NBEAL1: variants seen among roughly 807,000 people sequenced by gnomAD.
The protein encoded by NBEAL1 is neurobeachin-like protein 1.
NBEAL1 carries 273 observed loss-of-function variants against 351.3 expected under a neutral mutation model. That is an observed-to-expected ratio of 0.78 (90% CI 0.70 to 0.86). The LOEUF (loss-of-function observed/expected upper bound fraction) is 0.86, where lower values mean the gene tolerates loss of function less well. Ranked by LOEUF, NBEAL1 falls within the 40% of genes least tolerant of loss-of-function variation. The pLI is 0.00. For synonymous variants in NBEAL1, 1,050 were observed against 1,086.4 expected (o/e 0.97, Z 0.66); for missense variants, 2,961 against 3,201.3 (o/e 0.92, Z 1.81).
intron 6 of NBEAL1, among the ~76,000 whole-genome samples, chr2:203,064,632 A>T (rs1019828895): frequency 6.6e-5 from 10 of 150,766 alleles, no homozygotes; most frequent in South Asian, 4.1e-4. Context: ...TAATTTTTTT[A>T]AAAAAAGGAG....
intron 44 of NBEAL1, among the ~76,000 whole-genome samples, chr2:203,186,113 T>C (rs1050785813): frequency 6.6e-6 from 1 of 152,264 alleles, no homozygotes; most frequent in African/African-American, 2.4e-5. Flanking sequence ...AAGATCTATG[T>C]CACAGGTACT....
At chr2:203,150,219 CTTG>C (rs1010939185) in intron 34 of NBEAL1, among the ~76,000 whole-genome samples, 2 of 152,068 alleles carry the variant, frequency 1.3e-5, no homozygotes, top group Non-Finnish European at 2.9e-5. Flanking sequence ...CTTACTAACA[CTTG>C]TTATTTCCTG....
At chr2:203,204,256 AC>A (rs958677427) in intron 51 of NBEAL1, among the ~76,000 whole-genome samples, 45 of 149,542 alleles carry the variant, frequency 3.0e-4, no homozygotes, top group African/African-American at 2.7e-4. Context: ...AAAAAAAAAA[AC>A]AACTCCATTT....
At position 203,033,031 on chromosome 2, in the gene NBEAL1, C is replaced by T. The variant is rs531808280; in HGVS notation, c.52-8734C>T. On this transcript the variant is annotated intron_variant, in intron 2 of 55. Transcript: ENST00000683969. ...AATTTTATTTTTTGAGACGGAGTCT[C>T]GCTCTGTCGCCCAGGCTGGAGTGCA... is the stretch of plus-strand genomic sequence containing the variant. 7.9e-5 allele frequency among the ~76,000 whole-genome samples: 12 copies of T among 151,756 alleles called. No homozygotes were observed. The East Asian group carries it at 2.0e-3, about 25-fold the overall frequency.
At chr2:203,183,598 A>G (rs563626328) in intron 44 of NBEAL1, among the ~76,000 whole-genome samples, 41 of 152,262 alleles carry the variant, frequency 2.7e-4, no homozygotes, top group African/African-American at 9.4e-4. Context: ...GAATAAATAT[A>G]TATATATATA....
At chr2:203,140,284 C>T (rs1044704144) in intron 31 of NBEAL1, among the ~76,000 whole-genome samples, 1 of 129,382 alleles carries the variant, frequency 7.7e-6, no homozygotes, top group Non-Finnish European at 1.6e-5. Flanking sequence ...GCCTGGGCAA[C>T]AAGAGCAAAA....
intron 46 of NBEAL1, among the ~76,000 whole-genome samples, chr2:203,192,480 G>A (rs1022522872): frequency 6.6e-6 from 1 of 151,718 alleles, no homozygotes; most frequent in Non-Finnish European, 1.5e-5. Context: ...TGCCTCCTGG[G>A]TTCAAGCGAT....
rs183293840 is a variant in NBEAL1, at chr2:203,215,877, G to T, written c.8071-1376G>T. On this transcript the variant is annotated intron_variant, in intron 55 of 55. Transcript: ENST00000683969. Reference sequence around the variant, plus strand: ...AATACAAAAATTAGCTAAGCATGATGGTATGTTCCTGTAGTCTCAGCTACT... The same window carrying T: ...AATACAAAAATTAGCTAAGCATGATTGTATGTTCCTGTAGTCTCAGCTACT... Among the ~76,000 whole-genome samples the T allele has an allele frequency of 2.0e-4, 30 of 151,878 alleles. No homozygotes were observed. The East Asian group carries it at 5.6e-3, about 28-fold the overall frequency.
chr2:203,167,396 A>C (rs769038809), intron 38 of NBEAL1, 36 bp downstream of exon 38: 2 of 1,555,370 alleles, frequency 1.3e-6, no homozygotes, highest in Admixed American at 3.9e-5. Flanking sequence ...CCAAAATGCT[A>C]GCTTTAAATA....
chr2:203,047,374 G>A (rs1316200661), intron 3 of NBEAL1, among the ~76,000 whole-genome samples: 2 of 152,040 alleles, frequency 1.3e-5, no homozygotes, highest in Non-Finnish European at 2.9e-5. Flanking sequence ...TTTTGTATCT[G>A]TTTTATTAAA....
At chr2:203,211,146 G>A in intron 54 of NBEAL1, 40 bp downstream of exon 54, 1 of 1,380,834 alleles carries the variant, frequency 7.2e-7, no homozygotes, top group East Asian at 2.5e-5. Flanking sequence ...TTAAGAAAAG[G>A]GGCAGTACTT....
intron 10 of NBEAL1, among the ~76,000 whole-genome samples, chr2:203,092,184 T>C (rs1163656551): frequency 1.3e-5 from 2 of 152,098 alleles, no homozygotes; most frequent in African/African-American, 4.8e-5. Flanking sequence ...AGCAGAAATA[T>C]GGTTAAGGTT....
At chr2:203,215,056 C>G (rs1042238141) in intron 55 of NBEAL1, among the ~76,000 whole-genome samples, 2 of 152,064 alleles carry the variant, frequency 1.3e-5, no homozygotes, top group African/African-American at 2.4e-5. Context: ...AATAAATATA[C>G]CCTGGAAAAG....
intron 4 of NBEAL1, among the ~76,000 whole-genome samples, chr2:203,055,317 G>A (rs1019415418): frequency 6.6e-6 from 1 of 152,012 alleles, no homozygotes; most frequent in Non-Finnish European, 1.5e-5. Flanking sequence ...GAAGTCTTTT[G>A]GTTGGGTGGG....
intron 27 of NBEAL1, among the ~76,000 whole-genome samples, chr2:203,133,722 T>C (rs969325386): frequency 9.9e-5 from 15 of 151,038 alleles, no homozygotes; most frequent in South Asian, 6.2e-4. Context: ...TATATATATA[T>C]GTGTGTGTGA....
rs769225972 is a variant in NBEAL1 at position 203,125,311 on chromosome 2, C to T, written c.2683-41C>T. ...TGAAGATATTAAATGACAAAATTGT[C>T]CTCCTTTTATAAGATTTAAACATTA... On this transcript the variant is annotated intron_variant, in intron 19 of 55. Coordinates refer to ENST00000683969, the MANE Select transcript of NBEAL1 (RefSeq NM_001378026.1). The T allele has an allele frequency of 3.8e-6, 5 of 1,323,618 alleles. No individual in the cohort carries two copies. In the South Asian group the frequency reaches 5.4e-5, roughly 14 times the overall value. 82.0% of individuals were successfully genotyped at this position (1,323,618 alleles called of 1,614,324 possible).
intron 11 of NBEAL1, among the ~76,000 whole-genome samples, chr2:203,099,049 T>C (rs2062246796): frequency 6.6e-6 from 1 of 151,906 alleles, no homozygotes; most frequent in African/African-American, 2.4e-5. Flanking sequence ...CCGAGGTGGG[T>C]GGATCCACTT....
At chr2:203,090,708 G>A (rs2062046867) in intron 10 of NBEAL1, among the ~76,000 whole-genome samples, 1 of 151,944 alleles carries the variant, frequency 6.6e-6, no homozygotes, top group African/African-American at 2.4e-5. Flanking sequence ...GGCCAACATG[G>A]AAACCCCGTC....
At chr2:203,106,132 A>G (rs2062432210) in intron 12 of NBEAL1, among the ~76,000 whole-genome samples, 1 of 152,184 alleles carries the variant, frequency 6.6e-6, no homozygotes, top group Non-Finnish European at 1.5e-5. Context: ...GTTTCCTCAT[A>G]TGCTGATAAG....
Sources: allele counts gnomAD v4.1 joint callset (sites outside exome capture counted in the v4.1 genomes callset), GRCh38; gene constraint gnomAD v4.1.1; transcripts MANE v1.5; gene names NCBI Gene and HGNC (gene_info 2026-07-23, HGNC 2026-07-21).